The following FHIT variants were observed in gnomAD, a reference collection of about 807,000 sequenced individuals.
The protein encoded by FHIT is bis(5'-adenosyl)-triphosphatase.
FHIT carries 19 observed loss-of-function variants against 17.9 expected under a neutral mutation model. That is an observed-to-expected ratio of 1.06 (90% CI 0.74 to 1.56). The LOEUF is 1.56. Ranked by LOEUF, FHIT falls within the 40% of genes most tolerant of loss-of-function variation. The pLI, the probability that FHIT is intolerant of heterozygous loss-of-function variation, is 0.00. For missense variants in FHIT, 248 were observed against 189.2 expected (o/e 1.31, Z -1.82); for synonymous variants, 81 against 69.7 (o/e 1.16, Z -0.81).
chr3:60,636,144 C>T (rs1188841280), intron 4 of FHIT, among the ~76,000 whole-genome samples: 2 of 151,904 alleles, frequency 1.3e-5, no homozygotes, highest in Non-Finnish European at 2.9e-5. Context: ...AATCTCGGCT[C>T]ACTGCAACCT....
intron 2 of FHIT, among the ~76,000 whole-genome samples, chr3:61,084,912 T>A (rs1483820572): frequency 6.6e-6 from 1 of 152,206 alleles, no homozygotes; most frequent in African/African-American, 2.4e-5. Context: ...CTATAGATTC[T>A]TTTGTGTCTG....
chr3:60,451,299 A>G (rs567772773), intron 5 of FHIT, among the ~76,000 whole-genome samples: 7 of 152,216 alleles, frequency 4.6e-5, no homozygotes, highest in South Asian at 2.1e-4. Flanking sequence ...GTTGCATATC[A>G]TAAGGCCCAC....
chr3:60,028,115 ACT>A (rs1324517888), intron 5 of FHIT, among the ~76,000 whole-genome samples: 1 of 152,140 alleles, frequency 6.6e-6, no homozygotes. Flanking sequence ...AACTGGCACA[ACT>A]GGAAAACACA....
intron 4 of FHIT, among the ~76,000 whole-genome samples, chr3:60,705,320 G>A (rs2041347101): frequency 1.3e-5 from 2 of 152,092 alleles, no homozygotes; most frequent in Admixed American, 6.5e-5. Flanking sequence ...CTTCTTTACA[G>A]ATAAGAAAAT....
chr3:59,859,450 G>A (rs764188996), intron 8 of FHIT, among the ~76,000 whole-genome samples: 1 of 152,234 alleles, frequency 6.6e-6, no homozygotes, highest in Non-Finnish European at 1.5e-5. Flanking sequence ...GGGTGCTGTG[G>A]CTCACGCCTG....
At chr3:60,196,311 A>T (rs1702638181) in intron 5 of FHIT, among the ~76,000 whole-genome samples, 1 of 152,170 alleles carries the variant, frequency 6.6e-6, no homozygotes, top group East Asian at 1.9e-4. Context: ...TCCTCACCTC[A>T]TGGTGCCTTC....
At chr3:60,255,812 G>C (rs1030958146) in intron 5 of FHIT, among the ~76,000 whole-genome samples, 1 of 151,894 alleles carries the variant, frequency 6.6e-6, no homozygotes, top group Admixed American at 6.6e-5. Context: ...CCGAGATTGT[G>C]CCACTGCACT....
chr3:59,974,215 T>G (rs1049395624), intron 7 of FHIT, among the ~76,000 whole-genome samples: 2 of 152,124 alleles, frequency 1.3e-5, no homozygotes, highest in Non-Finnish European at 2.9e-5. Flanking sequence ...AAATGACAGA[T>G]GATTTGCTAC....
In FHIT at chr3:60,156,919, C is replaced by T. The variant is rs569369322; in HGVS notation, c.104-142767G>A. Among the ~76,000 whole-genome samples the T allele has an allele frequency of 3.3e-5, 5 of 152,066 alleles. No homozygotes were observed. The South Asian group carries it at 1.0e-3, about 32-fold the overall frequency. ...GCATTAGTATGCTAGCAAAATGATA[C>T]TTCTTCCATATGTAGTTATATATTA... On this transcript the variant is annotated intron_variant, in intron 5 of 9. Coordinates refer to ENST00000492590, the MANE Select transcript of FHIT (RefSeq NM_002012.4).
intron 5 of FHIT, among the ~76,000 whole-genome samples, chr3:60,230,614 G>C (rs1169763480): frequency 1.3e-5 from 2 of 152,176 alleles, no homozygotes; most frequent in Non-Finnish European, 2.9e-5. Flanking sequence ...AAAAGTTCAG[G>C]ACATTGGGGA....
intron 7 of FHIT, among the ~76,000 whole-genome samples, chr3:59,979,002 T>C (rs774445269): frequency 6.6e-6 from 1 of 152,118 alleles, no homozygotes; most frequent in Non-Finnish European, 1.5e-5. Context: ...TCCCTCTGCA[T>C]CTGGAGGCTT....
chr3:60,118,407 C>T (rs1559648268), intron 5 of FHIT, among the ~76,000 whole-genome samples: 3 of 151,868 alleles, frequency 2.0e-5, no homozygotes. Flanking sequence ...TGCACCCGGC[C>T]CTGTTTTAAT....
intron 5 of FHIT, among the ~76,000 whole-genome samples, chr3:60,148,727 C>A (rs546696559): frequency 6.6e-6 from 1 of 152,244 alleles, no homozygotes; most frequent in South Asian, 2.1e-4. Flanking sequence ...AGAATTAAGA[C>A]CTTGGGATTC....
chr3:61,243,146 C>T (rs1299060734), intron 1 of FHIT, among the ~76,000 whole-genome samples: 5 of 152,110 alleles, frequency 3.3e-5, no homozygotes, highest in Admixed American at 1.3e-4. Flanking sequence ...AAGTTAGATG[C>T]GGTTAGGTCA....
chr3:61,205,922 G>T (rs980786387), intron 1 of FHIT, among the ~76,000 whole-genome samples: 3 of 147,748 alleles, frequency 2.0e-5, no homozygotes, highest in African/African-American at 7.5e-5. Flanking sequence ...GTATTGCCTA[G>T]GTTTTCTTCT....
intron 4 of FHIT, among the ~76,000 whole-genome samples, chr3:60,786,468 G>A (rs1018486276): frequency 3.9e-5 from 6 of 152,094 alleles, no homozygotes; most frequent in South Asian, 4.1e-4. Flanking sequence ...ATGCTAGCTC[G>A]GCTACTTAGC....
At chr3:59,822,463 C>A (rs758290083) in intron 8 of FHIT, among the ~76,000 whole-genome samples, 1 of 152,016 alleles carries the variant, frequency 6.6e-6, no homozygotes, top group Non-Finnish European at 1.5e-5. Flanking sequence ...ACATCTATTA[C>A]TTTCTGATTT....
chr3:60,379,338 C>G (rs1016761375), intron 5 of FHIT, among the ~76,000 whole-genome samples: 1 of 151,790 alleles, frequency 6.6e-6, no homozygotes, highest in Non-Finnish European at 1.5e-5. Context: ...TTAACCAAAC[C>G]TCCCCCAAAA....
At chr3:60,231,452 C>G (rs566508355) in intron 5 of FHIT, among the ~76,000 whole-genome samples, 1 of 152,178 alleles carries the variant, frequency 6.6e-6, no homozygotes, top group South Asian at 2.1e-4. Context: ...TCCAGGTACC[C>G]TCAAGGGTAA....
Sources: gnomAD v4.1 joint callset for allele counts (sites outside exome capture counted in the v4.1 genomes callset) on GRCh38, gnomAD v4.1.1 for gene constraint, MANE v1.5 for transcripts, NCBI Gene and HGNC (gene_info 2026-07-23, HGNC 2026-07-21) for gene names.